The following MLXIP variants were observed in gnomAD, a reference collection of about 807,000 sequenced individuals.
The protein encoded by MLXIP is MLX interacting protein.
Under a neutral mutation model 87.2 loss-of-function variants are expected in MLXIP, and 30 were observed. The observed-to-expected ratio is 0.34, with a 90% CI of 0.26 to 0.47. The LOEUF (loss-of-function observed/expected upper bound fraction) is 0.47, where lower values mean the gene tolerates loss of function less well. MLXIP is among the 20% of genes least tolerant of loss of function. The pLI is 1.00. For synonymous variants in MLXIP, 530 were observed against 514.0 expected (o/e 1.03, Z -0.42); for missense variants, 1,002 against 1,240.1 (o/e 0.81, Z 2.88).
intron 1 of MLXIP, among the ~76,000 whole-genome samples, chr12:122,090,233 C>T (rs1593061946): frequency 6.6e-6 from 1 of 152,166 alleles, no homozygotes; most frequent in Non-Finnish European, 1.5e-5. Flanking sequence ...TGGTGACTCA[C>T]GCCTGTAATC....
chr12:122,101,565 TA>T (rs556008554), intron 1 of MLXIP, among the ~76,000 whole-genome samples: 194 of 129,266 alleles, frequency 1.5e-3, no homozygotes, highest in South Asian at 4.5e-3. Flanking sequence ...TTTATTTATT[TA>T]TTTTTTTCTT....
At chr12:122,088,764 C>G (rs947207752) in intron 1 of MLXIP, among the ~76,000 whole-genome samples, 1 of 152,158 alleles carries the variant, frequency 6.6e-6, no homozygotes, top group Non-Finnish European at 1.5e-5. Flanking sequence ...CGTGTTTGCT[C>G]TGCTCCCATG....
chr12:122,127,073 A>G (rs75503016), intron 1 of MLXIP, among the ~76,000 whole-genome samples, 183 bp from the exon 2 acceptor site: 109,707 of 152,066 alleles, frequency 0.72, 39,989 homozygotes, highest in African/African-American at 0.83. Flanking sequence ...CAGTATCCCC[A>G]CCATGCCCTG....
At chr12:122,109,152 C>T (rs1457205000) in intron 1 of MLXIP, among the ~76,000 whole-genome samples, 2 of 152,264 alleles carry the variant, frequency 1.3e-5, no homozygotes, top group South Asian at 2.1e-4. Context: ...ATGCTGGTCT[C>T]GAACTCCTGA....
chr12:122,079,878 T>G (rs1274676911), intron 1 of MLXIP, among the ~76,000 whole-genome samples: 1 of 152,230 alleles, frequency 6.6e-6, no homozygotes, highest in African/African-American at 2.4e-5. Flanking sequence ...CGCCCCCATC[T>G]CGGGAGGGCT....
Position 122,133,572 on chromosome 12 carries a change from C to A in MLXIP, c.1317C>A (p.Pro439=), listed in dbSNP as rs746870848. Residue 439 remains proline (P), a synonymous_variant, in exon 9 of 17, where the codon CCC becomes CCA. Transcript: ENST00000319080. The surrounding 1 kb of genome is among the most constrained non-coding windows in gnomAD (Gnocchi z 4.9). ...TCTTCACCATGCCCCTGCTGTCTCC[C>A]AGCCCCGCCCCACCGCCCATCTCCC... The part of the protein sequence containing the change: ...LPVFTMPLLS[P]SPAPPPISPV... 10 of 1,605,246 alleles carry A rather than the reference C, an allele frequency of 6.2e-6. No individual in the cohort carries two copies. The African/African-American group carries it at 1.3e-4, about 21-fold the overall frequency.
At chr12:122,080,433 A>G (rs985572947) in intron 1 of MLXIP, among the ~76,000 whole-genome samples, 1 of 152,198 alleles carries the variant, frequency 6.6e-6, no homozygotes, top group Non-Finnish European at 1.5e-5. Context: ...AGCCCCAAGC[A>G]TATCCAGGTT....
At chr12:122,140,686 C>T (rs1235617450) in intron 15 of MLXIP, 1 of 538,988 alleles carries the variant, frequency 1.9e-6, no homozygotes, top group African/African-American at 1.9e-5. Flanking sequence ...AGGACCTGTT[C>T]CAGACTAGAG....
chr12:122,131,073 C>G (rs1952969601), intron 7 of MLXIP, 140 bp downstream of exon 7: 5 of 620,990 alleles, frequency 8.1e-6, no homozygotes, highest in Middle Eastern at 8.0e-4. Flanking sequence ...TTAAACTGAA[C>G]TGTTTTTTGT....
At chr12:122,105,221 G>A (rs889311896) in intron 1 of MLXIP, among the ~76,000 whole-genome samples, 18 of 152,172 alleles carry the variant, frequency 1.2e-4, no homozygotes, top group African/African-American at 4.3e-4. Flanking sequence ...AGTCACTGGG[G>A]AAGCTTCACT....
chr12:122,112,455 G>A (rs1952618570), intron 1 of MLXIP, among the ~76,000 whole-genome samples: 1 of 152,022 alleles, frequency 6.6e-6, no homozygotes, highest in Non-Finnish European at 1.5e-5. Context: ...TGGCTAACAC[G>A]GTGAAACCCC....
chr12:122,133,479 G>A lies in MLXIP; in HGVS notation c.1224G>A (p.Pro408=), dbSNP rs368153043. The A allele has an allele frequency of 2.4e-5, 39 of 1,613,030 alleles. No individual in the cohort carries two copies. In the African/African-American group the frequency reaches 3.9e-4, roughly 16 times the overall value. Residue 408 remains proline, a synonymous_variant, in exon 9 of 17, where the codon CCG becomes CCA. Transcript: ENST00000319080. This position sits in a 1 kb window ranked among gnomAD's most constrained non-coding sequence, Gnocchi z 4.9. The part of the protein sequence containing the change: ...GCEHTSRTED[P]FIQPTDFGPS... ...AACACACCTCCCGGACTGAGGACCCGTTTATCCAGCCCACGGACTTCGGTC... is the reference window on the plus strand; with the variant it reads ...AACACACCTCCCGGACTGAGGACCCATTTATCCAGCCCACGGACTTCGGTC...
intron 4 of MLXIP, 129 bp downstream of exon 4, chr12:122,129,355 C>A: frequency 1.0e-6 from 1 of 979,058 alleles, no homozygotes; most frequent in Non-Finnish European, 1.6e-6. Context: ...AGCAGTAAAT[C>A]TGGGGCCCAG....
At chr12:122,116,009 C>A (rs949184104) in intron 1 of MLXIP, among the ~76,000 whole-genome samples, 1 of 151,756 alleles carries the variant, frequency 6.6e-6, no homozygotes, top group Non-Finnish European at 1.5e-5. Flanking sequence ...CAAGATCATG[C>A]TGCTGCAATC....
At chr12:122,123,759 G>T (rs1286377181) in intron 1 of MLXIP, among the ~76,000 whole-genome samples, 1 of 152,062 alleles carries the variant, frequency 6.6e-6, no homozygotes, top group Non-Finnish European at 1.5e-5. Flanking sequence ...GAGTGCATTG[G>T]TGCCATCATG....
In MLXIP at chr12:122,127,150, G is replaced by C. The variant is rs1268941533; in HGVS notation, c.414-106G>C. The C allele has an allele frequency of 3.5e-6, 3 of 857,004 alleles. No homozygotes were observed. The African/African-American group carries it at 5.0e-5, about 14-fold the overall frequency. 53.1% of individuals were successfully genotyped at this position (857,004 alleles called of 1,614,324 possible). Reference sequence around the variant, plus strand: ...CATGAAGCCGGGTGTATGGCTGGGGGTGGATCAGTCAAGAGTTTGGTCCTG... The same window carrying C: ...CATGAAGCCGGGTGTATGGCTGGGGCTGGATCAGTCAAGAGTTTGGTCCTG... On this transcript the variant is annotated intron_variant, in intron 1 of 16. Transcript: ENST00000319080.
In MLXIP at chr12:122,109,311, C is replaced by T. The variant is rs577610738; in HGVS notation, c.414-17945C>T. Among the ~76,000 whole-genome samples the T allele has an allele frequency of 6.6e-5, 10 of 152,160 alleles. 1 individual carries two copies. In the East Asian group the frequency reaches 1.7e-3, roughly 26 times the overall value. ...CTTGAACTCCTGACCTGAAGTGATC[C>T]GCCCGCCTTGGCCTCCCAAAGTGTT... On this transcript the variant is annotated intron_variant, in intron 1 of 16. Transcript: ENST00000319080.
intron 1 of MLXIP, among the ~76,000 whole-genome samples, chr12:122,106,899 G>A (rs970253632): frequency 6.6e-6 from 1 of 152,160 alleles, no homozygotes; most frequent in African/African-American, 2.4e-5. Context: ...ACAGCACCCG[G>A]CCTTCACTGC....
chr12:122,129,013 C>A (rs1952927568), intron 3 of MLXIP, 124 bp from the exon 4 acceptor site: 1 of 722,754 alleles, frequency 1.4e-6, no homozygotes, highest in Non-Finnish European at 2.5e-6. Flanking sequence ...ATGTGGTAGC[C>A]ACTGTGGGGT....
Sources: allele counts gnomAD v4.1 joint callset (sites outside exome capture counted in the v4.1 genomes callset), GRCh38; gene constraint gnomAD v4.1.1; non-coding constraint Gnocchi (gnomAD v3.1); transcripts MANE v1.5; gene names NCBI Gene and HGNC (gene_info 2026-07-23, HGNC 2026-07-21).